The following CA8 variants were observed in gnomAD, a reference collection of about 807,000 sequenced individuals.
CA8 encodes the protein carbonic anhydrase 8 (inactive), also known as carbonic anhydrase-related protein.
A neutral mutation model predicts 41.4 loss-of-function variants in CA8; 22 were observed. The ratio of observed to expected loss-of-function variants is 0.53; its 90% confidence interval spans 0.38 to 0.76. The LOEUF (loss-of-function observed/expected upper bound fraction) is 0.76, where lower values mean the gene tolerates loss of function less well. CA8 is among the 30% of genes least tolerant of loss of function. CA8 has a pLI of 0.00. For synonymous variants in CA8, 121 were observed against 130.6 expected (o/e 0.93, Z 0.50); for missense variants, 270 against 352.8 (o/e 0.77, Z 1.88).
intron 4 of CA8, among the ~76,000 whole-genome samples, chr8:60,231,510 G>A (rs970690962): frequency 2.0e-5 from 3 of 152,142 alleles, no homozygotes; most frequent in Admixed American, 1.3e-4. Context: ...GAAGAACACT[G>A]TGCTAACATG....
intron 7 of CA8, among the ~76,000 whole-genome samples, chr8:60,214,012 C>G (rs1806931174): frequency 6.6e-6 from 1 of 152,218 alleles, no homozygotes; most frequent in Non-Finnish European, 1.5e-5. Flanking sequence ...CCTACTGAAT[C>G]AGCAACACAG....
chr8:60,200,232 C>T (rs888379627), intron 8 of CA8, among the ~76,000 whole-genome samples: 2 of 152,158 alleles, frequency 1.3e-5, no homozygotes, highest in Non-Finnish European at 2.9e-5. Flanking sequence ...CTTGGACTTC[C>T]TAGCCTCTAG....
chr8:60,211,899 T>C (rs1286553003), intron 7 of CA8, among the ~76,000 whole-genome samples: 1 of 152,198 alleles, frequency 6.6e-6, no homozygotes, highest in East Asian at 1.9e-4. Flanking sequence ...ATGAACAGAA[T>C]AATAGAATAA....
intron 7 of CA8, among the ~76,000 whole-genome samples, chr8:60,218,839 T>C (rs377701788): frequency 1.6e-4 from 25 of 152,286 alleles, no homozygotes; most frequent in African/African-American, 5.5e-4. Context: ...CCACGGCCCC[T>C]GCTCGTGTTG....
At chr8:60,224,632 G>A (rs780602348) in intron 5 of CA8, 47 bp from the exon 6 acceptor site, 4 of 1,171,824 alleles carry the variant, frequency 3.4e-6, no homozygotes, top group Non-Finnish European at 5.1e-6. Flanking sequence ...AATATTTCTA[G>A]ATTTTAGAAT....
intron 8 of CA8, among the ~76,000 whole-genome samples, chr8:60,193,053 T>A (rs960114731): frequency 6.6e-6 from 1 of 151,850 alleles, no homozygotes; most frequent in African/African-American, 2.4e-5. Flanking sequence ...TCTGGTTGAA[T>A]CAATTATGCA....
intron 8 of CA8, among the ~76,000 whole-genome samples, chr8:60,192,009 A>C (rs773658858): frequency 5.9e-5 from 9 of 151,836 alleles, no homozygotes; most frequent in Non-Finnish European, 1.3e-4. Context: ...GTGAATTTGC[A>C]CACTCACTCA....
At chr8:60,274,139 C>A (rs1037159897) in intron 2 of CA8, among the ~76,000 whole-genome samples, 1 of 135,126 alleles carries the variant, frequency 7.4e-6, no homozygotes, top group Non-Finnish European at 1.6e-5. Context: ...CTAAAAAGAA[C>A]TGTGCTTCTT....
At chr8:60,265,796 T>C in intron 3 of CA8, 129 bp downstream of exon 3, 3 of 1,071,686 alleles carry the variant, frequency 2.8e-6, no homozygotes, top group Non-Finnish European at 4.1e-6. Flanking sequence ...TAAGCATTTT[T>C]TAAATTTTAG....
At chr8:60,203,127 C>A (rs1585846737) in intron 8 of CA8, among the ~76,000 whole-genome samples, 1 of 152,106 alleles carries the variant, frequency 6.6e-6, no homozygotes, top group East Asian at 1.9e-4. Flanking sequence ...GGAGGTAAAA[C>A]CTGGTCCTTC....
rs1255169935 is a variant in CA8, at chr8:60,189,797, A to C, written c.*224T>G. 1 of 152,538 alleles carries C rather than the reference A, an allele frequency of 6.6e-6. No individual in the cohort carries two copies. Among genetic ancestry groups the C allele is most frequent in the Non-Finnish European group, 1.5e-5 (1 of 68,002 alleles). 9.4% of individuals were successfully genotyped at this position (152,538 alleles called of 1,614,324 possible). A position where few individuals can be genotyped will look rare whatever the true frequency, so the allele number is the denominator to read the frequency against. ...CAGCAGTAATGTGGATATATAATAT[A>C]GGGTTTCTTTGGAATATACAGCCAT... On this transcript the variant is annotated 3_prime_UTR_variant, in exon 9 of 9. Coordinates refer to ENST00000317995, the MANE Select transcript of CA8 (RefSeq NM_004056.6).
In CA8 at chr8:60,221,548, T is replaced by C. The variant is rs142577476; in HGVS notation, c.738+1101A>G. On this transcript the variant is annotated intron_variant, in intron 7 of 8. Coordinates refer to ENST00000317995, the MANE Select transcript of CA8 (RefSeq NM_004056.6). ...AGAGCCCTTCACCTCCACAGTTGTT[T>C]TTCTCAAACCCATACCCCTAATCTA... 6.9e-3 allele frequency among the ~76,000 whole-genome samples: 1,053 copies of C among 152,314 alleles called. 69 individuals carry two copies. Among genetic ancestry groups the C allele is most frequent in the Admixed American group, 0.064 (977 of 15,294 alleles).
chr8:60,247,069 G>A (rs902763004), intron 3 of CA8, among the ~76,000 whole-genome samples: 11 of 151,746 alleles, frequency 7.2e-5, no homozygotes, highest in African/African-American at 2.7e-4. Flanking sequence ...ATTTTTAGTA[G>A]AGACGGGGTT....
intron 3 of CA8, chr8:60,265,556 A>C (rs1038923284): frequency 8.4e-6 from 2 of 238,496 alleles, no homozygotes; most frequent in Non-Finnish European, 1.7e-5. Flanking sequence ...TACACTTTTC[A>C]TTACTGTTGA....
At chr8:60,266,382 A>G (rs536562997) in intron 2 of CA8, among the ~76,000 whole-genome samples, 130 of 152,352 alleles carry the variant, frequency 8.5e-4, no homozygotes, top group African/African-American at 2.9e-3. Context: ...AGCACTGATC[A>G]GGAGACAAAA....
intron 8 of CA8, among the ~76,000 whole-genome samples, chr8:60,207,236 T>A (rs1215826904): frequency 6.6e-6 from 1 of 152,234 alleles, no homozygotes. Context: ...GTAACCTAAC[T>A]TATCTGTGTC....
At chr8:60,264,832 A>G (rs1803850090) in intron 3 of CA8, 1 of 152,218 alleles carries the variant, frequency 6.6e-6, no homozygotes, top group Non-Finnish European at 1.5e-5. Context: ...TTATAATTAC[A>G]GTAATGCTGT....
intron 8 of CA8, among the ~76,000 whole-genome samples, chr8:60,196,033 A>G (rs1806270807): frequency 6.6e-6 from 1 of 152,166 alleles, no homozygotes; most frequent in South Asian, 2.1e-4. Context: ...CTGGAGTACT[A>G]GATAATGAAA....
At position 60,202,922 on chromosome 8, in the gene CA8, T is replaced by A. The variant is rs540769341; in HGVS notation, c.*35+5828A>T. Among the ~76,000 whole-genome samples the A allele has an allele frequency of 2.6e-5, 4 of 152,314 alleles. No homozygotes were observed. In the South Asian group the frequency reaches 6.2e-4, roughly 24 times the overall value. On this transcript the variant is annotated intron_variant, in intron 8 of 8. Transcript: ENST00000317995. ...AAGTCTTGCATGAAGAAAACCTGCTTAATGAAGTATGTTACAAACTTGTTT... is the reference window on the plus strand; with the variant it reads ...AAGTCTTGCATGAAGAAAACCTGCTAAATGAAGTATGTTACAAACTTGTTT...
Sources: gnomAD v4.1 joint callset for allele counts (sites outside exome capture counted in the v4.1 genomes callset) on GRCh38, gnomAD v4.1.1 for gene constraint, MANE v1.5 for transcripts, NCBI Gene and HGNC (gene_info 2026-07-23, HGNC 2026-07-21) for gene names.